BICD1: variants seen among roughly 807,000 people sequenced by gnomAD.
BICD1 encodes the protein protein bicaudal D homolog 1.
A neutral mutation model predicts 92.5 loss-of-function variants in BICD1; 35 were observed. That is an observed-to-expected ratio of 0.38 (90% CI 0.29 to 0.50). The LOEUF is 0.50. Among genes scored for constraint, BICD1 ranks in the 20% least tolerant of loss-of-function variants. BICD1 has a pLI of 0.93. For missense variants in BICD1, 950 were observed against 1,189.8 expected (o/e 0.80, Z 2.97); for synonymous variants, 429 against 465.1 (o/e 0.92, Z 1.00).
chr12:32,240,008 A>T (rs963424377), intron 2 of BICD1, among the ~76,000 whole-genome samples: 2 of 152,236 alleles, frequency 1.3e-5, no homozygotes, highest in Non-Finnish European at 2.9e-5. Context: ...TATGCACTAG[A>T]AAATAAAAAT....
intron 2 of BICD1, among the ~76,000 whole-genome samples, chr12:32,231,304 G>T (rs930790989): frequency 6.6e-6 from 1 of 152,048 alleles, no homozygotes; most frequent in South Asian, 2.1e-4. Flanking sequence ...GCAACATGGC[G>T]AAACTCTGTC....
rs753716472 is a variant in BICD1 at position 32,107,379 on chromosome 12, G to A, written c.48G>A (p.Glu16=). The change falls in exon 1 of 10, where the codon GAG becomes GAA. Residue 16 remains glutamate, a synonymous_variant. Transcript: ENST00000652176. Reference sequence around the variant, plus strand: ...AGACGGTGGACCATTATAAGACTGAGATAGAGAGGCTAACCAAGGAGCTCA... The same window carrying A: ...AGACGGTGGACCATTATAAGACTGAAATAGAGAGGCTAACCAAGGAGCTCA... ...VLQTVDHYKT[E]IERLTKELTE... 6.2e-7 allele frequency: 1 copy of A among 1,611,288 alleles called. No individual in the cohort carries two copies. Among genetic ancestry groups the A allele is most frequent in the Non-Finnish European group, 8.5e-7 (1 of 1,178,992 alleles).
chr12:32,259,349 CAAAT>C (rs1406533582), intron 2 of BICD1, among the ~76,000 whole-genome samples: 1 of 152,076 alleles, frequency 6.6e-6, no homozygotes, highest in Non-Finnish European at 1.5e-5. Context: ...CCTCCACCCA[CAAAT>C]AAATAAAGGA....
At chr12:32,375,664 A>C (rs184851629) in intron 9 of BICD1, among the ~76,000 whole-genome samples, 2 of 152,352 alleles carry the variant, frequency 1.3e-5, no homozygotes, top group East Asian at 3.9e-4. Flanking sequence ...TAACCAGTAC[A>C]GAACAGCAAA....
At chr12:32,291,465 A>C (rs1406951040) in intron 2 of BICD1, among the ~76,000 whole-genome samples, 2 of 151,924 alleles carry the variant, frequency 1.3e-5, no homozygotes, top group African/African-American at 4.8e-5. Flanking sequence ...TAAGCCTGGG[A>C]GGTCAAGGCT....
intron 9 of BICD1, among the ~76,000 whole-genome samples, chr12:32,376,699 C>T (rs55802838): frequency 0.059 from 8,935 of 151,814 alleles, 379 homozygotes; most frequent in Middle Eastern, 0.15. Flanking sequence ...AAAACCCCAT[C>T]ACTACTGAAA....
intron 1 of BICD1, among the ~76,000 whole-genome samples, chr12:32,160,160 C>A (rs1021302345): frequency 6.6e-6 from 1 of 152,194 alleles, no homozygotes; most frequent in Admixed American, 6.5e-5. Flanking sequence ...ACCCCTCCCA[C>A]GGCCATGTCC....
intron 1 of BICD1, among the ~76,000 whole-genome samples, chr12:32,163,998 A>G (rs1943677457): frequency 6.6e-6 from 1 of 152,198 alleles, no homozygotes; most frequent in Non-Finnish European, 1.5e-5. Flanking sequence ...TTTTTAAGAC[A>G]GAGTCTCACT....
intron 1 of BICD1, among the ~76,000 whole-genome samples, chr12:32,150,236 G>C (rs1012786548): frequency 2.0e-5 from 3 of 152,146 alleles, no homozygotes; most frequent in Admixed American, 1.3e-4. Context: ...CAGCCAAACT[G>C]TATCAACTAT....
intron 2 of BICD1, among the ~76,000 whole-genome samples, chr12:32,247,264 C>A (rs894328629): frequency 1.3e-5 from 2 of 149,980 alleles, no homozygotes; most frequent in Non-Finnish European, 2.9e-5. Flanking sequence ...GCCTATTAGA[C>A]CTTCAAGTGG....
At chr12:32,250,348 C>T (rs967112128) in intron 2 of BICD1, among the ~76,000 whole-genome samples, 16 of 152,034 alleles carry the variant, frequency 1.1e-4, no homozygotes, top group African/African-American at 2.9e-4. Context: ...GGATAAAATG[C>T]GATTAATAGA....
chr12:32,133,938 C>T (rs572991297), intron 1 of BICD1, among the ~76,000 whole-genome samples: 3 of 152,056 alleles, frequency 2.0e-5, no homozygotes, highest in South Asian at 2.1e-4. Flanking sequence ...CCTGCCACCA[C>T]GCCTGGCTAA....
intron 1 of BICD1, among the ~76,000 whole-genome samples, chr12:32,170,907 G>T (rs779315449): frequency 6.6e-6 from 1 of 152,176 alleles, no homozygotes; most frequent in Non-Finnish European, 1.5e-5. Flanking sequence ...TGCCGAGGAC[G>T]AGAAGCCCTG....
At position 32,346,589 on chromosome 12, in the gene BICD1, TATATATATATATATATATATATAC is replaced by T. The variant is rs1219822522; in HGVS notation, c.2764+7611_2764+7634del. On this transcript the variant is annotated intron_variant, in intron 8 of 9. Coordinates refer to ENST00000652176, the MANE Select transcript of BICD1 (RefSeq NM_001714.4). ...ATATATATATATATATATACGTGTATATATATATATATATATATATATACGTGTATATATATATATATATACGTG... is the reference window on the plus strand; with the variant it reads ...ATATATATATATATATATACGTGTATGTGTATATATATATATATATACGTG... Among the ~76,000 whole-genome samples, 5 of 4,354 alleles carry T rather than the reference TATATATATATATATATATATATAC, an allele frequency of 1.1e-3. 2 individuals carry two copies. Among genetic ancestry groups the T allele is most frequent in the African/African-American group, 3.8e-3 (2 of 530 alleles). The allele number at this position is 4,354 out of a possible 152,430, so 2.9% of individuals were successfully genotyped here.
intron 1 of BICD1, among the ~76,000 whole-genome samples, chr12:32,143,033 C>T (rs2668302): frequency 0.18 from 27,213 of 152,128 alleles, 2,537 homozygotes; most frequent in East Asian, 0.22. Flanking sequence ...CTTATTACCT[C>T]CTGATTATAT....
intron 8 of BICD1, among the ~76,000 whole-genome samples, chr12:32,356,909 A>T (rs1170802410): frequency 1.3e-5 from 2 of 152,020 alleles, no homozygotes; most frequent in Non-Finnish European, 2.9e-5. Context: ...CACTCCCGTC[A>T]GTTTAGTTTC....
intron 2 of BICD1, among the ~76,000 whole-genome samples, chr12:32,281,896 G>T (rs1021951239): frequency 6.6e-6 from 1 of 152,092 alleles, no homozygotes; most frequent in African/African-American, 2.4e-5. Flanking sequence ...GGATCCTGGG[G>T]ATATAGTGGT....
At chr12:32,315,004 T>TTTG (rs1948463418) in intron 4 of BICD1, among the ~76,000 whole-genome samples, 3 of 152,322 alleles carry the variant, frequency 2.0e-5, no homozygotes, top group Admixed American at 2.0e-4. Context: ...TGTTTGTGCT[T>TTTG]TTGGTGTCAT....
intron 1 of BICD1, among the ~76,000 whole-genome samples, chr12:32,212,506 C>G (rs1465278301): frequency 6.6e-6 from 1 of 152,138 alleles, no homozygotes; most frequent in South Asian, 2.1e-4. Context: ...CTCACTGCAA[C>G]CTCCATCTCC....
Sources: gnomAD v4.1 joint callset for allele counts (sites outside exome capture counted in the v4.1 genomes callset) on GRCh38, gnomAD v4.1.1 for gene constraint, MANE v1.5 for transcripts, NCBI Gene and HGNC (gene_info 2026-07-23, HGNC 2026-07-21) for gene names.